PARD3: variants seen among roughly 807,000 people sequenced by gnomAD.
PARD3 encodes par-3 family cell polarity regulator.
A neutral mutation model predicts 155.4 loss-of-function variants in PARD3; 75 were observed. The observed-to-expected ratio is 0.48, with a 90% CI of 0.40 to 0.58. The LOEUF is 0.58. Ranked by LOEUF, PARD3 falls within the 20% of genes least tolerant of loss-of-function variation. The pLI, the probability that PARD3 is intolerant of heterozygous loss-of-function variation, is 0.00. For missense variants in PARD3, 1,642 were observed against 1,721.7 expected (o/e 0.95, Z 0.82); for synonymous variants, 576 against 610.5 (o/e 0.94, Z 0.83).
At chr10:34,255,303 T>C (rs1391171549) in intron 22 of PARD3, among the ~76,000 whole-genome samples, 1 of 152,182 alleles carries the variant, frequency 6.6e-6, no homozygotes, top group African/African-American at 2.4e-5. Flanking sequence ...AGTTGTATTG[T>C]CTGTACCTTG....
chr10:34,213,211 A>AG (rs1484459415), intron 22 of PARD3, among the ~76,000 whole-genome samples: 1 of 152,160 alleles, frequency 6.6e-6, no homozygotes, highest in African/African-American at 2.4e-5. Context: ...AGAAAGTGAA[A>AG]GGGGGGTGGG....
chr10:34,401,763 CTTGCTGCAAT>C, intron 6 of PARD3, 53 bp downstream of exon 6: 1 of 1,011,918 alleles, frequency 9.9e-7, no homozygotes, highest in Non-Finnish European at 1.6e-6. Flanking sequence ...TTTCAGAATA[CTTGCTGCAAT>C]TAATGATGCT....
rs527672324 is a variant in PARD3 at position 34,699,336 on chromosome 10, T to A, written c.121-2917A>T. ...GCATGCTGCATTAAAAATAAAAAAA[T>A]AATAAATAAAACATAAAAAATAAAC... On this transcript the variant is annotated intron_variant, in intron 1 of 24. Coordinates refer to ENST00000374788, the MANE Select transcript of PARD3 (RefSeq NM_001184785.2). Among the ~76,000 whole-genome samples the A allele has an allele frequency of 1.5e-3, 218 of 143,706 alleles. 1 individual carries two copies. The highest frequency in any genetic ancestry group is 4.9e-3 in the African/African-American group (194 of 39,834). 94.3% of individuals were successfully genotyped at this position (143,706 alleles called of 152,430 possible). A position where few individuals can be genotyped will look rare whatever the true frequency, so the allele number is the denominator to read the frequency against.
intron 2 of PARD3, among the ~76,000 whole-genome samples, chr10:34,561,490 A>C (rs1271670747): frequency 6.6e-6 from 1 of 152,100 alleles, no homozygotes; most frequent in African/African-American, 2.4e-5. Context: ...ATGTCTTAGG[A>C]AGCTGTAACG....
At chr10:34,223,242 G>A (rs1588835850) in intron 22 of PARD3, among the ~76,000 whole-genome samples, 1 of 152,128 alleles carries the variant, frequency 6.6e-6, no homozygotes, top group Admixed American at 6.5e-5. Context: ...AAGACAACTG[G>A]CCCAGATTCC....
intron 6 of PARD3, among the ~76,000 whole-genome samples, chr10:34,401,444 A>G (rs1431186804): frequency 6.6e-6 from 1 of 152,222 alleles, no homozygotes; most frequent in Non-Finnish European, 1.5e-5. Flanking sequence ...GTATGTCTGC[A>G]AATTTTTTTA....
chr10:34,694,622 C>G (rs1212139814), intron 2 of PARD3, among the ~76,000 whole-genome samples: 2 of 151,864 alleles, frequency 1.3e-5, no homozygotes, highest in Non-Finnish European at 2.9e-5. Context: ...AGGCACCCGC[C>G]ACCACAGCCG....
At chr10:34,161,300 G>C (rs1469168380) in intron 22 of PARD3, among the ~76,000 whole-genome samples, 1 of 150,716 alleles carries the variant, frequency 6.6e-6, no homozygotes, top group Admixed American at 6.6e-5. Flanking sequence ...ATGGGGAGAA[G>C]AGGGGAGTGG....
chr10:34,262,082 G>A (rs899918541), intron 22 of PARD3, among the ~76,000 whole-genome samples: 6 of 152,064 alleles, frequency 3.9e-5, no homozygotes, highest in African/African-American at 1.2e-4. Flanking sequence ...TCCAAAGGAT[G>A]GCTGCATCAG....
rs574766385 is a variant in PARD3, at chr10:34,700,712, C to CACTGCTCACACCACTGGGAT, written c.121-4294_121-4293insATCCCAGTGGTGTGAGCAGT. On this transcript the variant is annotated intron_variant, in intron 1 of 24. Coordinates refer to ENST00000374788, the MANE Select transcript of PARD3 (RefSeq NM_001184785.2). Reference sequence around the variant, plus strand: ...ACAGGCCAGGCGCAGTGGCTCACACCTATAATCCCAGTACTTTGGGAGGCT... The same window carrying CACTGCTCACACCACTGGGAT: ...ACAGGCCAGGCGCAGTGGCTCACACCACTGCTCACACCACTGGGATTATAATCCCAGTACTTTGGGAGGCT... Among the ~76,000 whole-genome samples, 58 of 152,302 alleles carry CACTGCTCACACCACTGGGAT rather than the reference C, an allele frequency of 3.8e-4. 1 individual carries two copies. In the South Asian group the frequency reaches 8.5e-3, roughly 22 times the overall value.
At chr10:34,760,581 C>T (rs1837325210) in intron 1 of PARD3, among the ~76,000 whole-genome samples, 1 of 152,246 alleles carries the variant, frequency 6.6e-6, no homozygotes, top group African/African-American at 2.4e-5. Context: ...ATCTGCCCGC[C>T]TCAGCCTCCC....
chr10:34,791,937 C>A (rs1189957622), intron 1 of PARD3, among the ~76,000 whole-genome samples: 1 of 152,078 alleles, frequency 6.6e-6, no homozygotes, highest in Non-Finnish European at 1.5e-5. Context: ...GGCCTACAAA[C>A]TGAATGTTTT....
At chr10:34,273,789 T>C (rs1955747290) in intron 21 of PARD3, among the ~76,000 whole-genome samples, 1 of 152,188 alleles carries the variant, frequency 6.6e-6, no homozygotes, top group Non-Finnish European at 1.5e-5. Flanking sequence ...ATTTTCCTTG[T>C]TTCTTTCTTG....
chr10:34,167,902 C>T (rs1949608486), intron 22 of PARD3, among the ~76,000 whole-genome samples: 1 of 152,072 alleles, frequency 6.6e-6, no homozygotes, highest in Non-Finnish European at 1.5e-5. Context: ...TTGAAATATC[C>T]ACTGACCCTA....
intron 1 of PARD3, among the ~76,000 whole-genome samples, chr10:34,713,931 A>C (rs1282312758): frequency 6.6e-6 from 1 of 152,152 alleles, no homozygotes; most frequent in African/African-American, 2.4e-5. Flanking sequence ...AAAATGTTGA[A>C]TATTTCTCTA....
At chr10:34,408,361 C>A (rs1487173839) in intron 5 of PARD3, among the ~76,000 whole-genome samples, 1 of 152,062 alleles carries the variant, frequency 6.6e-6, no homozygotes, top group African/African-American at 2.4e-5. Context: ...TGTTCTTTTT[C>A]ATACTTTTTA....
At chr10:34,354,909 T>G (rs1438072779) in intron 14 of PARD3, among the ~76,000 whole-genome samples, 5 of 152,120 alleles carry the variant, frequency 3.3e-5, no homozygotes, top group African/African-American at 7.2e-5. Flanking sequence ...CTGACTGCAG[T>G]GCAGAGAATG....
chr10:34,422,804 C>A (rs1366712536), intron 5 of PARD3, among the ~76,000 whole-genome samples: 1 of 152,082 alleles, frequency 6.6e-6, no homozygotes, highest in Admixed American at 6.6e-5. Context: ...AGGATGTGGA[C>A]AAAGGGAACC....
At chr10:34,529,527 A>C (rs558244185) in intron 2 of PARD3, among the ~76,000 whole-genome samples, 11 of 152,260 alleles carry the variant, frequency 7.2e-5, no homozygotes, top group South Asian at 2.1e-4. Flanking sequence ...CAAACCCCCC[A>C]CACAGTCGAA....
Sources: gnomAD v4.1 joint callset for allele counts (sites outside exome capture counted in the v4.1 genomes callset) on GRCh38, gnomAD v4.1.1 for gene constraint, MANE v1.5 for transcripts, NCBI Gene and HGNC (gene_info 2026-07-23, HGNC 2026-07-21) for gene names.